EHMT1: variants seen among roughly 807,000 people sequenced by gnomAD.
EHMT1 encodes euchromatic histone lysine methyltransferase 1.
In EHMT1, 15 loss-of-function variants were observed where a neutral mutation model predicts 147.2. That is an observed-to-expected ratio of 0.10 (90% confidence interval 0.07 to 0.16). EHMT1 has a LOEUF of 0.16. Among genes scored for constraint, EHMT1 ranks in the 10% least tolerant of loss-of-function variants. EHMT1 has a pLI of 1.00. For missense variants in EHMT1, 1,587 were observed against 1,772.4 expected, an observed-to-expected ratio of 0.90 and a Z score of 1.88; for synonymous variants, 795 against 709.6, an observed-to-expected ratio of 1.12 and a Z score of -1.91.
At chr9:137,822,761 C>T (rs144303224) in intron 25 of EHMT1, among the ~76,000 whole-genome samples, 1,552 of 151,984 alleles carry the variant, frequency 0.01, 26 homozygotes, top group African/African-American at 0.035. Context: ...GGTGTGGTGG[C>T]GCATGCCTGT....
chr9:137,792,372 G>A (rs953291881), intron 16 of EHMT1: 6 of 254,786 alleles, frequency 2.4e-5, no homozygotes, highest in Non-Finnish European at 3.2e-5. Context: ...ATCCAGAAGC[G>A]TGAGGTTGGA....
In EHMT1 at chr9:137,782,269, A is replaced by G; in HGVS notation, c.2276-22A>G. 6.2e-7 allele frequency: 1 copy of G among 1,601,130 alleles called. No homozygotes were observed. Among genetic ancestry groups the G allele is most frequent in the Non-Finnish European group, 8.5e-7 (1 of 1,170,332 alleles). On this transcript the variant is annotated intron_variant, in intron 14 of 26. Transcript: ENST00000460843. This position sits in a 1 kb window ranked among gnomAD's most constrained non-coding sequence, Gnocchi z 5.7. ...TCTGTGGCTACATCTGAAATCATTAATAAAACTGTGTTTGTTCACAGTGGA... is the reference window on the plus strand; with the variant it reads ...TCTGTGGCTACATCTGAAATCATTAGTAAAACTGTGTTTGTTCACAGTGGA...
At chr9:137,636,031 C>T (rs934303771) in intron 1 of EHMT1, among the ~76,000 whole-genome samples, 2 of 151,356 alleles carry the variant, frequency 1.3e-5, no homozygotes, top group African/African-American at 2.4e-5. Flanking sequence ...AAGCAGTTCT[C>T]CTGCCTCAGC....
At chr9:137,755,959 G>GT (rs769176702) in intron 8 of EHMT1, among the ~76,000 whole-genome samples, 6 of 152,144 alleles carry the variant, frequency 3.9e-5, no homozygotes, top group Non-Finnish European at 8.8e-5. Flanking sequence ...CTTTTATCAG[G>GT]TGGATGTTTT....
intron 1 of EHMT1, among the ~76,000 whole-genome samples, chr9:137,683,702 G>A (rs1942177962): frequency 6.6e-6 from 1 of 152,170 alleles, no homozygotes; most frequent in Non-Finnish European, 1.5e-5. Flanking sequence ...TATTTGCACA[G>A]AAAAATGTTT....
intron 10 of EHMT1, among the ~76,000 whole-genome samples, chr9:137,765,676 C>T (rs1360675699): frequency 2.9e-3 from 6 of 2,072 alleles, no homozygotes; most frequent in African/African-American, 0.013. Flanking sequence ...CCCCCGCCCC[C>T]GCCGCCCCAG....
chr9:137,624,420 A>G (rs10115767), intron 1 of EHMT1, among the ~76,000 whole-genome samples: 5,026 of 150,034 alleles, frequency 0.033, 280 homozygotes, highest in African/African-American at 0.11. Flanking sequence ...GGTTCAGGCA[A>G]TTCTCCTGCC....
intron 1 of EHMT1, among the ~76,000 whole-genome samples, chr9:137,700,891 A>G (rs757344146): frequency 2.0e-5 from 3 of 152,134 alleles, no homozygotes; most frequent in African/African-American, 4.8e-5. Flanking sequence ...AGGCTGGGTA[A>G]TTTATAAGGA....
chr9:137,642,697 C>T (rs773201823), intron 1 of EHMT1, among the ~76,000 whole-genome samples: 1 of 152,160 alleles, frequency 6.6e-6, no homozygotes, highest in Non-Finnish European at 1.5e-5. Flanking sequence ...CTGTTATTGT[C>T]ATACAAATTA....
chr9:137,625,569 C>G (rs1450377334), intron 1 of EHMT1, among the ~76,000 whole-genome samples: 2 of 152,010 alleles, frequency 1.3e-5, no homozygotes, highest in Non-Finnish European at 2.9e-5. Context: ...CATTCCTGAC[C>G]TCAAGTGATC....
intron 19 of EHMT1, 118 bp from the exon 20 acceptor site, chr9:137,812,888 C>G (rs965134886): frequency 1.4e-6 from 2 of 1,399,290 alleles, no homozygotes; most frequent in African/African-American, 2.8e-5. Context: ...TTCAAGTTAT[C>G]TCACAGTGAA....
intron 3 of EHMT1, 33 bp from the exon 4 acceptor site, chr9:137,728,316 C>CA: frequency 6.2e-7 from 1 of 1,613,894 alleles, no homozygotes; most frequent in Non-Finnish European, 8.5e-7. Context: ...CCTGCTTATG[C>CA]AGTTATAGTT....
In EHMT1 at chr9:137,775,907, G is replaced by A. The variant is rs1486772102; in HGVS notation, c.1791+655G>A. Among the ~76,000 whole-genome samples, 7 of 151,746 alleles carry A rather than the reference G, an allele frequency of 4.6e-5. No individual in the cohort carries two copies. The highest frequency in any genetic ancestry group is 2.1e-4 in the South Asian group (1 of 4,800). On this transcript the variant is annotated intron_variant, in intron 11 of 26. Coordinates refer to ENST00000460843, the MANE Select transcript of EHMT1 (RefSeq NM_024757.5). The surrounding 1 kb of genome is among the most constrained non-coding windows in gnomAD (Gnocchi z 6.1). ...GGTGTGTGTGTGTGTGTGTCTGTGC[G>A]CGCACACATCTGTGTGAGCCTCTGC...
At chr9:137,691,525 G>A (rs1030292106) in intron 1 of EHMT1, among the ~76,000 whole-genome samples, 3 of 151,942 alleles carry the variant, frequency 2.0e-5, no homozygotes, top group Non-Finnish European at 2.9e-5. Context: ...GTCCATTAGT[G>A]GATGTCCGTT....
At position 137,690,011 on chromosome 9, in the gene EHMT1, C is replaced by T. The variant is rs117171319; in HGVS notation, c.22-20956C>T. 5.1e-3 allele frequency among the ~76,000 whole-genome samples: 784 copies of T among 152,272 alleles called. 4 individuals are homozygous for T. Among genetic ancestry groups the T allele is most frequent in the Non-Finnish European group, 7.3e-3 (496 of 68,024 alleles). ...CTCAGAAAGAACTTGCCTCTTATTC[C>T]GAGCAAGATGGGAAGCCACTAGAAT... is the stretch of plus-strand genomic sequence containing the variant. On this transcript the variant is annotated intron_variant, in intron 1 of 26. Coordinates refer to ENST00000460843, the MANE Select transcript of EHMT1 (RefSeq NM_024757.5).
At chr9:137,807,485 ATTT>A (rs1954046783) in intron 18 of EHMT1, among the ~76,000 whole-genome samples, 1 of 127,326 alleles carries the variant, frequency 7.9e-6, no homozygotes, top group Non-Finnish European at 1.5e-5. Context: ...TTACTTATTT[ATTT>A]ATTTATTTAT....
intron 1 of EHMT1, among the ~76,000 whole-genome samples, chr9:137,643,434 A>T (rs1409172012): frequency 4.4e-5 from 6 of 137,418 alleles, no homozygotes; most frequent in Non-Finnish European, 6.1e-5. Flanking sequence ...TCTGCCTCCC[A>T]GGTTCACGCC....
intron 1 of EHMT1, among the ~76,000 whole-genome samples, chr9:137,701,372 C>T (rs1943811579): frequency 2.6e-5 from 4 of 151,980 alleles, no homozygotes; most frequent in African/African-American, 9.7e-5. Context: ...CAACCTCTGT[C>T]CCCCAGGCTC....
intron 16 of EHMT1, among the ~76,000 whole-genome samples, chr9:137,796,070 G>A (rs917244185): frequency 2.0e-5 from 3 of 152,182 alleles, no homozygotes; most frequent in East Asian, 1.9e-4. Context: ...TGATGGCATC[G>A]AAAGCGAGAA....
Sources: allele counts gnomAD v4.1 joint callset (sites outside exome capture counted in the v4.1 genomes callset), GRCh38; gene constraint gnomAD v4.1.1; non-coding constraint Gnocchi (gnomAD v3.1); transcripts MANE v1.5; gene names NCBI Gene and HGNC (gene_info 2026-07-23, HGNC 2026-07-21).